ERC1: variants seen among roughly 807,000 people sequenced by gnomAD.
ERC1 encodes the protein ELKS/RAB6-interacting/CAST family member 1.
In ERC1, 56 loss-of-function variants were observed where a neutral mutation model predicts 132.0. The observed-to-expected ratio is 0.42, with a 90% CI of 0.34 to 0.53. The LOEUF is 0.53. ERC1 is among the 20% of genes least tolerant of loss of function. The pLI is 0.03. For missense variants in ERC1, 1,202 were observed against 1,349.9 expected (o/e 0.89, Z 1.72); for synonymous variants, 478 against 476.1 (o/e 1.00, Z -0.05).
intron 15 of ERC1, among the ~76,000 whole-genome samples, chr12:1,324,278 A>G (rs1006723077): frequency 2.9e-4 from 44 of 152,188 alleles, no homozygotes; most frequent in African/African-American, 1.1e-3. Context: ...TGACAGACCT[A>G]CTGATGAGGT....
intron 11 of ERC1, among the ~76,000 whole-genome samples, chr12:1,184,835 T>C (rs1473028033): frequency 6.6e-6 from 1 of 152,062 alleles, no homozygotes; most frequent in African/African-American, 2.4e-5. Flanking sequence ...TTACTGTGAC[T>C]TCAAACTTCT....
chr12:1,381,062 C>T (rs1371055547), intron 16 of ERC1: 1 of 152,152 alleles, frequency 6.6e-6, no homozygotes, highest in Non-Finnish European at 1.5e-5. Context: ...ATGCCAGGTG[C>T]CTGTTTTATG....
At position 1,440,490 on chromosome 12, in the gene ERC1, G is replaced by A. The variant is rs534398220; in HGVS notation, c.3025-4072G>A. Among the ~76,000 whole-genome samples the A allele has an allele frequency of 1.5e-3, 226 of 148,174 alleles. 1 individual carries two copies. Among genetic ancestry groups the A allele is most frequent in the Admixed American group, 4.1e-3 (61 of 14,968 alleles). The stretch of plus-strand genomic sequence containing the variant: ...CAAAGTGCTGCGATTACAGGTGTGA[G>A]CCACCGCGCCCGGCCTTTTTTTTTT... On this transcript the variant is annotated intron_variant, in intron 17 of 18. Coordinates refer to ENST00000360905, the MANE Select transcript of ERC1 (RefSeq NM_178040.4).
At chr12:1,139,656 C>T (rs1355537043) in intron 7 of ERC1, among the ~76,000 whole-genome samples, 1 of 150,600 alleles carries the variant, frequency 6.6e-6, no homozygotes, top group South Asian at 2.1e-4. Flanking sequence ...CAGGAAGGCC[C>T]AGAAAACTGT....
intron 2 of ERC1, among the ~76,000 whole-genome samples, chr12:1,070,199 G>C (rs964065605): frequency 6.6e-6 from 1 of 152,160 alleles, no homozygotes; most frequent in African/African-American, 2.4e-5. Context: ...AGGTTACATT[G>C]AGTTAGGCAA....
In ERC1 at chr12:1,102,306, A is replaced by G. The variant is rs182438933; in HGVS notation, c.1087-2444A>G. ...TCATCATTCATTCCTTCATCTAACA[A>G]AAGAGGAACAGATAGAGAGGAGAAG... is the stretch of plus-strand genomic sequence containing the variant. On this transcript the variant is annotated intron_variant, in intron 3 of 18. Transcript: ENST00000360905. 1.8e-4 allele frequency among the ~76,000 whole-genome samples: 28 copies of G among 152,334 alleles called. No individual in the cohort carries two copies. The East Asian group carries it at 4.6e-3, about 25-fold the overall frequency.
At chr12:1,024,420 G>A (rs539492492) in intron 1 of ERC1, among the ~76,000 whole-genome samples, 203 of 151,988 alleles carry the variant, frequency 1.3e-3, no homozygotes, top group African/African-American at 3.2e-3. Context: ...TCTCCACCCC[G>A]CTCCCCCCAC....
chr12:1,076,595 A>G (rs891112033), intron 2 of ERC1, among the ~76,000 whole-genome samples: 3 of 151,896 alleles, frequency 2.0e-5, no homozygotes, highest in Admixed American at 6.6e-5. Context: ...GGGTTTCACC[A>G]TGGTGGTCAG....
chr12:1,065,383 T>G (rs11835502), intron 2 of ERC1, among the ~76,000 whole-genome samples: 3 of 150,872 alleles, frequency 2.0e-5, no homozygotes, highest in Admixed American at 6.6e-5. Context: ...ATTTCACTCA[T>G]TGAATTCTTT....
intron 2 of ERC1, among the ~76,000 whole-genome samples, chr12:1,054,406 C>G (rs142641849): frequency 6.6e-6 from 1 of 152,032 alleles, no homozygotes; most frequent in Non-Finnish European, 1.5e-5. Flanking sequence ...AACATACTTA[C>G]ATTTCACTAG....
At position 1,259,520 on chromosome 12, in the gene ERC1, CT is replaced by C. The variant is rs201786277; in HGVS notation, c.2488-3493del. 4.5e-3 allele frequency among the ~76,000 whole-genome samples: 514 copies of C among 113,872 alleles called. 2 individuals carry two copies. Among genetic ancestry groups the C allele is most frequent in the Middle Eastern group, 0.011 (2 of 188 alleles). 74.7% of individuals were successfully genotyped at this position (113,872 alleles called of 152,430 possible). ...GTCTTGGGTATCTCTTTCTTTCTTT[CT>C]TTTTTTTTTTTTTTTTTTTTGAGAC... On this transcript the variant is annotated intron_variant, in intron 13 of 18. Transcript: ENST00000360905.
intron 15 of ERC1, among the ~76,000 whole-genome samples, chr12:1,357,477 T>C (rs2154369196): frequency 6.6e-6 from 1 of 152,294 alleles, no homozygotes; most frequent in East Asian, 1.9e-4. Flanking sequence ...GACATCTAAA[T>C]AAGCAGAAGC....
At chr12:1,186,801 G>A (rs549823809) in intron 11 of ERC1, among the ~76,000 whole-genome samples, 33 of 152,258 alleles carry the variant, frequency 2.2e-4, no homozygotes, top group African/African-American at 7.5e-4. Flanking sequence ...TGAATTAAAT[G>A]TCATATTCCA....
chr12:1,337,014 C>T (rs1595079330), intron 15 of ERC1, among the ~76,000 whole-genome samples: 1 of 152,082 alleles, frequency 6.6e-6, no homozygotes, highest in African/African-American at 2.4e-5. Context: ...CAGGGTTTTG[C>T]CATGTTGGCC....
chr12:1,424,488 G>A lies in ERC1; in HGVS notation c.3024+16241G>A, dbSNP rs141321381. ...AAACAAAGTGGTTTCTTCATATCAC[G>A]ATTTAAAAAGAGTAGTCTCTTATGT... On this transcript the variant is annotated intron_variant, in intron 17 of 18. Transcript: ENST00000360905. 3.3e-3 allele frequency among the ~76,000 whole-genome samples: 495 copies of A among 152,146 alleles called. 4 individuals carry two copies. The highest frequency in any genetic ancestry group is 0.011 in the African/African-American group (468 of 41,508).
chr12:1,193,091 T>C (rs1020541943), intron 12 of ERC1, among the ~76,000 whole-genome samples: 4 of 152,212 alleles, frequency 2.6e-5, no homozygotes, highest in African/African-American at 9.7e-5. Flanking sequence ...CTTTGCATTT[T>C]ATAGTGCTTC....
chr12:1,100,895 A>T (rs1944586668), intron 3 of ERC1, among the ~76,000 whole-genome samples: 2 of 152,318 alleles, frequency 1.3e-5, no homozygotes, highest in South Asian at 4.1e-4. Context: ...AGAGAAGCCT[A>T]CAAAGGACTG....
intron 1 of ERC1, among the ~76,000 whole-genome samples, chr12:1,012,414 G>A (rs1403936127): frequency 6.6e-6 from 1 of 151,548 alleles, no homozygotes; most frequent in Non-Finnish European, 1.5e-5. Context: ...AAATTCCTGT[G>A]CAGCTCTTCC....
At chr12:1,017,153 C>T (rs1386015344) in intron 1 of ERC1, among the ~76,000 whole-genome samples, 1 of 151,906 alleles carries the variant, frequency 6.6e-6, no homozygotes, top group South Asian at 2.1e-4. Context: ...TGTGCCACCA[C>T]GCCCAGCTAA....
Sources: allele counts gnomAD v4.1 joint callset (sites outside exome capture counted in the v4.1 genomes callset), GRCh38; gene constraint gnomAD v4.1.1; transcripts MANE v1.5; gene names NCBI Gene and HGNC (gene_info 2026-07-23, HGNC 2026-07-21).